The following ENO1 variants were observed in gnomAD, a reference collection of about 807,000 sequenced individuals.
The protein encoded by ENO1 is enolase 1.
A neutral mutation model predicts 46.3 loss-of-function variants in ENO1; 33 were observed. The observed-to-expected ratio is 0.71, with a 90% CI of 0.54 to 0.95. The LOEUF is 0.95. Among genes scored for constraint, ENO1 ranks in the 40% least tolerant of loss-of-function variants. The probability of loss-of-function intolerance (pLI) is 0.00; values close to 1 mark genes in which losing one functional copy is unlikely to be tolerated. For missense variants in ENO1, 488 were observed against 553.3 expected (o/e 0.88, Z 1.18); for synonymous variants, 220 against 216.0 (o/e 1.02, Z -0.16).
intron 7 of ENO1, among the ~76,000 whole-genome samples, chr1:8,865,772 C>T (rs1024474102): frequency 2.0e-5 from 3 of 152,146 alleles, no homozygotes; most frequent in Non-Finnish European, 2.9e-5. Context: ...GGCCAAGATA[C>T]AGTTACAGTA....
In ENO1 at chr1:8,865,423, C is replaced by T. The variant is rs143707545; in HGVS notation, c.727G>A (p.Gly243Ser). ...KAGYTDKVVI[G>S]MDVAASEFFR... ...AACTCGGAGGCCGCTACGTCCATGCCGATGACCACCTTATCAGTGTAGCCA... is the reference window on the plus strand; with the variant it reads ...AACTCGGAGGCCGCTACGTCCATGCTGATGACCACCTTATCAGTGTAGCCA... Residue 243 changes from glycine to serine, a missense_variant, in exon 8 of 12, where the codon GGC becomes AGC. Gly to Ser is a moderately conservative substitution (Grantham distance 56). Coordinates refer to ENST00000234590, the MANE Select transcript of ENO1 (RefSeq NM_001428.5). 145 of 1,613,932 alleles carry T rather than the reference C, an allele frequency of 9.0e-5. No individual in the cohort carries two copies. The highest frequency in any genetic ancestry group is 1.7e-4 in the Middle Eastern group (1 of 5,846).
chr1:8,864,191 C>A (rs1642465041), intron 8 of ENO1, 99 bp from the exon 9 acceptor site: 9 of 1,277,868 alleles, frequency 7.0e-6, no homozygotes, highest in African/African-American at 1.5e-5. Context: ...GCTCGCCTGG[C>A]CTCACAATGC....
Position 8,863,916 on chromosome 1 carries a change from CA to C in ENO1, c.1041del (p.Ile347MetfsTer4). On this transcript the variant is annotated frameshift_variant, in exon 9 of 12. Coordinates refer to ENST00000234590, the MANE Select transcript of ENO1 (RefSeq NM_001428.5). LOFTEE classifies it high-confidence loss of function. Reference sequence around the variant, plus strand: ...GCCTGAAGAGACTCGGTCACGGAGCCAATCTGGTTGACTTTGAGCAGGAGGC... The same window carrying C: ...GCCTGAAGAGACTCGGTCACGGAGCCATCTGGTTGACTTTGAGCAGGAGGC... The part of the protein sequence containing the change: ...CNCLLLKVNQ[I>X]GSVTESLQAC... The C allele has an allele frequency of 1.9e-6, 3 of 1,614,118 alleles. No homozygotes were observed. The highest frequency in any genetic ancestry group is 2.5e-6 in the Non-Finnish European group (3 of 1,180,024).
intron 1 of ENO1, among the ~76,000 whole-genome samples, chr1:8,875,198 G>A (rs1365652594): frequency 1.3e-5 from 2 of 151,796 alleles, no homozygotes; most frequent in East Asian, 1.9e-4. Flanking sequence ...ACTTTTATCC[G>A]ACTGCTCAAG....
intron 1 of ENO1, among the ~76,000 whole-genome samples, chr1:8,876,779 CAG>C (rs1407891262): frequency 6.8e-6 from 1 of 147,890 alleles, no homozygotes; most frequent in Non-Finnish European, 1.5e-5. Flanking sequence ...GCCTGGGCGA[CAG>C]AGAGACTCCG....
intron 4 of ENO1, among the ~76,000 whole-genome samples, chr1:8,869,034 T>C (rs1642578865): frequency 1.3e-5 from 2 of 152,180 alleles, no homozygotes; most frequent in South Asian, 4.1e-4. Context: ...AACAAGGCAT[T>C]ATTTTTATCT....
intron 4 of ENO1, 150 bp from the exon 5 acceptor site, chr1:8,868,207 A>T (rs2124079993): frequency 4.4e-6 from 3 of 687,824 alleles, no homozygotes; most frequent in Non-Finnish European, 7.5e-6. Flanking sequence ...GGAGGACAAA[A>T]ATCAGTGGGG....
intron 4 of ENO1, among the ~76,000 whole-genome samples, chr1:8,868,417 A>G (rs554386073): frequency 2.6e-5 from 4 of 152,310 alleles, no homozygotes; most frequent in Admixed American, 1.3e-4. Context: ...TGGCTTTCAT[A>G]GGCAATAAAT....
rs370702315 is a variant in ENO1, at chr1:8,865,268, A to G, written c.865+17T>C. On this transcript the variant is annotated intron_variant, in intron 8 of 11. Coordinates refer to ENST00000234590, the MANE Select transcript of ENO1 (RefSeq NM_001428.5). ...GTCAGTGGCAGGAAAGGGAGATGGC[A>G]CTCGGGGAACACTCACCTGGGTAGT... 1.9e-6 allele frequency: 3 copies of G among 1,612,688 alleles called. No individual in the cohort carries two copies. Among genetic ancestry groups the G allele is most frequent in the Non-Finnish European group, 2.5e-6 (3 of 1,178,880 alleles).
intron 1 of ENO1, 120 bp downstream of exon 1, chr1:8,878,460 C>T (rs1642783392): frequency 2.7e-6 from 1 of 366,550 alleles, no homozygotes; most frequent in Non-Finnish European, 5.5e-6. Context: ...TTGCACGTGC[C>T]CCCGACCCCG....
At chr1:8,878,298 G>A in intron 1 of ENO1, 4 of 275,702 alleles carry the variant, frequency 1.5e-5, no homozygotes, top group South Asian at 9.3e-5. Context: ...GACCTTCCCT[G>A]ACAGTGACTC....
At chr1:8,877,676 T>A (rs1227324692) in intron 1 of ENO1, 1 of 150,454 alleles carries the variant, frequency 6.6e-6, no homozygotes, top group Non-Finnish European at 1.5e-5. Context: ...GCCAACATGG[T>A]GAAACACCGC....
chr1:8,871,800 T>C (rs1569915653), intron 3 of ENO1, 91 bp downstream of exon 3: 1 of 1,423,178 alleles, frequency 7.0e-7, no homozygotes, highest in Non-Finnish European at 9.8e-7. Flanking sequence ...AACCTGCAAG[T>C]GCAAGTGCCA....
chr1:8,863,086 G>T, intron 10 of ENO1, 141 bp from the exon 11 acceptor site: 1 of 1,333,260 alleles, frequency 7.5e-7, no homozygotes, highest in Non-Finnish European at 1.0e-6. Flanking sequence ...CAGGCAGGGC[G>T]CTCATGCCCC....
intron 2 of ENO1, chr1:8,874,032 G>A (rs1420294383): frequency 2.0e-5 from 3 of 152,186 alleles, no homozygotes; most frequent in African/African-American, 4.8e-5. Flanking sequence ...AAAGCCTACA[G>A]GTAAAAACTG....
chr1:8,867,352 C>A, intron 5 of ENO1, 102 bp from the exon 6 acceptor site: 2 of 1,448,828 alleles, frequency 1.4e-6, no homozygotes, highest in Admixed American at 4.1e-5. Context: ...ATCTCCTCCC[C>A]CATCACACCT....
intron 8 of ENO1, 26 bp downstream of exon 8, chr1:8,865,259 G>A (rs1642485041): frequency 6.2e-7 from 1 of 1,611,480 alleles, no homozygotes; most frequent in African/African-American, 1.3e-5. Context: ...GGCAGGAAAG[G>A]GAGATGGCAC....
At chr1:8,876,992 ATTT>A (rs781048965) in intron 1 of ENO1, among the ~76,000 whole-genome samples, 2 of 136,930 alleles carry the variant, frequency 1.5e-5, no homozygotes. Context: ...CGCCCAGGTG[ATTT>A]TTTTTTTTTT....
chr1:8,865,340 G>A lies in ENO1; in HGVS notation c.810C>T (p.Tyr270=), dbSNP rs750030304. 6.2e-7 allele frequency: 1 copy of A among 1,614,210 alleles called. No homozygotes were observed. Among genetic ancestry groups the A allele is most frequent in the East Asian group, 2.2e-5 (1 of 44,884 alleles). The part of the protein sequence containing the change: ...DFKSPDDPSR[Y]ISPDQLADLY... ...GGTCAGCCAGCTGGTCAGGCGAGAT[G>A]TACCTGCTGGGGTCATCGGGAGACT... The change falls in exon 8 of 12, where the codon TAC becomes TAT. Residue 270 remains tyrosine, a synonymous_variant. Coordinates refer to ENST00000234590, the MANE Select transcript of ENO1 (RefSeq NM_001428.5).
Sources: gnomAD v4.1 joint callset for allele counts (sites outside exome capture counted in the v4.1 genomes callset) on GRCh38, gnomAD v4.1.1 for gene constraint, MANE v1.5 for transcripts, NCBI Gene and HGNC (gene_info 2026-07-23, HGNC 2026-07-21) for gene names.